Variants in TMEM114 observed in about 807,000 individuals in gnomAD.
TMEM114 encodes transmembrane protein 114, also known as claudin-26.
TMEM114 carries 6 observed loss-of-function variants against 6.2 expected under a neutral mutation model. The ratio of observed to expected loss-of-function variants is 0.97; its 90% CI spans 0.53 to 1.91. The LOEUF is 1.91. Among genes scored for constraint, TMEM114 ranks in the 40% most tolerant of loss-of-function variants. TMEM114 has a pLI of 0.01. For missense variants in TMEM114, 218 were observed against 158.3 expected, an observed-to-expected ratio of 1.38 and a Z score of -2.02; for synonymous variants, 104 against 73.0, an observed-to-expected ratio of 1.42 and a Z score of -2.16.
chr16:8,555,286 G>C (rs929397727), intron 2 of TMEM114, among the ~76,000 whole-genome samples: 1 of 152,256 alleles, frequency 6.6e-6, no homozygotes, highest in Non-Finnish European at 1.5e-5. Context: ...GAAAACAGCT[G>C]TATTGAGGAG....
At chr16:8,575,916 T>A (rs1479373812) in intron 2 of TMEM114, among the ~76,000 whole-genome samples, 1 of 152,152 alleles carries the variant, frequency 6.6e-6, no homozygotes, top group Non-Finnish European at 1.5e-5. Context: ...GAGACCTGAT[T>A]CCCATTCATC....
rs1434275371 is a variant in TMEM114 at position 8,570,000 on chromosome 16, C to G, written c.445G>C (p.Val149Leu). ...TGILFLFGAM[V>L]TLAGISVYIA... is the part of the protein sequence containing the mutation. The stretch of plus-strand genomic sequence containing the variant: ...TAGACGCTGATCCCAGCGAGGGTCA[C>G]CATGGCTGCAGGGAGGGCAAAGGGA... Residue 149 changes from valine (V) to leucine (L), a missense_variant, in exon 4 of 4, where the codon GTG (valine) becomes CTG (leucine). Coordinates refer to ENST00000620492, the MANE Select transcript of TMEM114 (RefSeq NM_001146336.2). 5 of 1,548,640 alleles carry G rather than the reference C, an allele frequency of 3.2e-6. No individual in the cohort carries two copies. Among genetic ancestry groups the G allele is most frequent in the Non-Finnish European group, 4.4e-6 (5 of 1,145,216 alleles).
chr16:8,531,916 G>A, the TMEM114 span: 10 of 152,356 alleles, frequency 6.6e-5, no homozygotes, highest in African/African-American at 2.4e-4. Context: ...TCTGTTATGA[G>A]ATAGGAAACC....
intron 2 of TMEM114, among the ~76,000 whole-genome samples, chr16:8,563,625 GTGAGTGAA>G (rs1901375725): frequency 6.7e-6 from 1 of 148,174 alleles, no homozygotes; most frequent in Admixed American, 6.7e-5. Context: ...GACTGAATGA[GTGAGTGAA>G]TGAGTAAATG....
At chr16:8,551,200 G>A (rs761600406) in intron 2 of TMEM114, among the ~76,000 whole-genome samples, 1 of 152,098 alleles carries the variant, frequency 6.6e-6, no homozygotes. Context: ...ACAAGACTCT[G>A]GCCAAAACAT....
rs569334062 is a variant in TMEM114 at position 8,546,958 on chromosome 16, G to A, written n.213-9132C>T. On this transcript the variant is annotated intron_variant and non_coding_transcript_variant, in intron 2 of 2. Coordinates refer to the TMEM114 transcript ENST00000623677. ...TCTAAAGCTAGCTGGGAGGACAGGG[G>A]AAAGCCACAGCCAACTGAGCCTTGG... is the stretch of plus-strand genomic sequence containing the variant. Among the ~76,000 whole-genome samples, 12 of 152,338 alleles carry A rather than the reference G, an allele frequency of 7.9e-5. No individual in the cohort carries two copies. The South Asian group carries it at 2.3e-3, about 29-fold the overall frequency.
At chr16:8,584,990 C>G (rs1230427076) in intron 2 of TMEM114, among the ~76,000 whole-genome samples, 1 of 150,110 alleles carries the variant, frequency 6.7e-6, no homozygotes, top group Non-Finnish European at 1.5e-5. Flanking sequence ...ACACCTGAGA[C>G]TGGGTAATTT....
intron 2 of TMEM114, among the ~76,000 whole-genome samples, chr16:8,548,932 C>A (rs928210990): frequency 6.6e-6 from 1 of 152,030 alleles, no homozygotes; most frequent in Non-Finnish European, 1.5e-5. Context: ...CCTGTAATCC[C>A]AGCACTTTGG....
At chr16:8,582,205 A>T (rs771479654) in intron 2 of TMEM114, among the ~76,000 whole-genome samples, 1 of 152,138 alleles carries the variant, frequency 6.6e-6, no homozygotes, top group Non-Finnish European at 1.5e-5. Flanking sequence ...TGGACAAGGC[A>T]TTTGACCTCT....
chr16:8,569,831 G>A lies in TMEM114; in HGVS notation c.614C>T (p.Ala205Val), dbSNP rs1387881309. ...SFIAELLTGA[A>V]FLAAARELSL... ...GAGCTCGCGGGCTGCTGCCAGGAAGGCTGCCCCGGTGAGCAGCTCGGCGAT... is the reference window on the plus strand; with the variant it reads ...GAGCTCGCGGGCTGCTGCCAGGAAGACTGCCCCGGTGAGCAGCTCGGCGAT... Residue 205 changes from alanine to valine, a missense_variant, in exon 4 of 4, where the codon GCC becomes GTC. Physicochemically the swap from Ala to Val is moderately conservative, Grantham distance 64 (BLOSUM62 0). Transcript: ENST00000620492. 6.4e-7 allele frequency: 1 copy of A among 1,551,016 alleles called. No homozygotes were observed. Among genetic ancestry groups the A allele is most frequent in the Non-Finnish European group, 8.7e-7 (1 of 1,146,956 alleles).
At chr16:8,559,199 C>A (rs1015685882) in intron 2 of TMEM114, among the ~76,000 whole-genome samples, 1 of 152,122 alleles carries the variant, frequency 6.6e-6, no homozygotes, top group South Asian at 2.1e-4. Context: ...TGCGCCACTA[C>A]GCCCGGATAA....
chr16:8,539,762 GA>G (rs1008172769), intron 2 of TMEM114, among the ~76,000 whole-genome samples: 73 of 144,728 alleles, frequency 5.0e-4, no homozygotes, highest in Middle Eastern at 3.4e-3. Flanking sequence ...AACTAAAAAA[GA>G]AAAAAAAAAT....
At chr16:8,589,567 C>T (rs1018561741) in intron 1 of TMEM114, 52 bp downstream of exon 1, 45 of 398,380 alleles carry the variant, frequency 1.1e-4, no homozygotes, top group African/African-American at 8.0e-4. Flanking sequence ...AGCAGGGCAC[C>T]GCGCAGGGGG....
At chr16:8,536,379 T>C (rs1900360416), downstream of TMEM114, among the ~76,000 whole-genome samples, 1 of 152,220 alleles carries the variant, frequency 6.6e-6, no homozygotes, top group African/African-American at 2.4e-5. Context: ...CACCACACCT[T>C]GACGTCTTCT....
At chr16:8,585,753 C>T (rs564400535) in intron 2 of TMEM114, among the ~76,000 whole-genome samples, 7 of 152,258 alleles carry the variant, frequency 4.6e-5, no homozygotes, top group Non-Finnish European at 1.0e-4. Context: ...AGCACACTTC[C>T]GGAGGCCAGA....
downstream of TMEM114, among the ~76,000 whole-genome samples, chr16:8,537,330 G>A (rs1014571832): frequency 2.6e-5 from 4 of 151,754 alleles, no homozygotes; most frequent in Admixed American, 2.0e-4. Context: ...ATGAAACCCC[G>A]TCTCTACTAA....
chr16:8,559,879 G>A lies in TMEM114; in HGVS notation n.213-22053C>T, dbSNP rs571620426. 7.0e-4 allele frequency among the ~76,000 whole-genome samples: 107 copies of A among 152,298 alleles called. 1 individual carries two copies. Among genetic ancestry groups the A allele is most frequent in the African/African-American group, 2.5e-3 (102 of 41,558 alleles). ...CCCATGGGGCTCTTTAGACCCCAAA[G>A]GTGAGAAGTCGGGAGCCTGGGGTGG... On this transcript the variant is annotated intron_variant and non_coding_transcript_variant, in intron 2 of 2. Transcript: ENST00000623677.
chr16:8,580,056 A>G (rs1156809072), intron 2 of TMEM114, among the ~76,000 whole-genome samples: 1 of 152,176 alleles, frequency 6.6e-6, no homozygotes, highest in African/African-American at 2.4e-5. Context: ...CAAAGTAGCA[A>G]TACCTCAGCT....
chr16:8,527,710 G>T, the TMEM114 span, among the ~76,000 whole-genome samples: 3 of 152,110 alleles, frequency 2.0e-5, no homozygotes, highest in Admixed American at 6.5e-5. Context: ...ACTATGCTCA[G>T]GGAGGTTTAG....
Sources: gnomAD v4.1 joint callset for allele counts (sites outside exome capture counted in the v4.1 genomes callset) on GRCh38, gnomAD v4.1.1 for gene constraint, MANE v1.5 for transcripts, NCBI Gene and HGNC (gene_info 2026-07-23, HGNC 2026-07-21) for gene names.